HOMER1: variants seen among roughly 807,000 people sequenced by gnomAD.
The protein encoded by HOMER1 is homer scaffold protein 1.
HOMER1 carries 3 observed loss-of-function variants against 48.9 expected under a neutral mutation model. The ratio of observed to expected loss-of-function variants is 0.06; its 90% CI spans 0.03 to 0.16. HOMER1 has a LOEUF of 0.16. Among genes scored for constraint, HOMER1 ranks in the 10% least tolerant of loss-of-function variants. The probability of loss-of-function intolerance (pLI) is 1.00; values close to 1 mark genes in which losing one functional copy is unlikely to be tolerated. For synonymous variants in HOMER1, 134 were observed against 146.4 expected, an observed-to-expected ratio of 0.92 and a Z score of 0.61; for missense variants, 247 against 411.4, an observed-to-expected ratio of 0.60 and a Z score of 3.46.
intron 1 of HOMER1, among the ~76,000 whole-genome samples, chr5:79,484,985 C>A (rs533544729): frequency 2.0e-5 from 3 of 152,286 alleles, no homozygotes; most frequent in Admixed American, 2.0e-4. Context: ...ATTATCTATA[C>A]CTCACTTCCG....
rs555964457 is a variant in HOMER1, at chr5:79,455,546, T to A, written c.162+1316A>T. Among the ~76,000 whole-genome samples the A allele has an allele frequency of 4.6e-5, 7 of 152,306 alleles. No homozygotes were observed. The South Asian group carries it at 1.2e-3, about 27-fold the overall frequency. On this transcript the variant is annotated intron_variant, in intron 2 of 8. Coordinates refer to ENST00000334082, the MANE Select transcript of HOMER1 (RefSeq NM_004272.5). ...TGAGGCTTCCCCAGCCATGTGGAAC[T>A]GTGAGTCAAGTAAACCTCTTTCCTT...
At chr5:79,402,169 T>C in intron 5 of HOMER1, 114 bp from the exon 6 acceptor site, 3 of 221,674 alleles carry the variant, frequency 1.4e-5, no homozygotes, top group South Asian at 1.4e-4. Context: ...TTTTCTTTTC[T>C]TTTTTTTTTT....
At chr5:79,478,969 T>C (rs1751870531) in intron 1 of HOMER1, among the ~76,000 whole-genome samples, 3 of 152,148 alleles carry the variant, frequency 2.0e-5, no homozygotes, top group Admixed American at 2.0e-4. Context: ...AAAGCTGGAT[T>C]CCATAAAAAT....
intron 1 of HOMER1, among the ~76,000 whole-genome samples, chr5:79,463,961 AAAAG>A (rs1751386948): frequency 1.3e-5 from 2 of 152,242 alleles, no homozygotes; most frequent in Admixed American, 1.3e-4. Context: ...GGCAACCACT[AAAAG>A]AAATAAAAAT....
chr5:79,497,750 C>CAGCA (rs1449246577), intron 1 of HOMER1, among the ~76,000 whole-genome samples: 1 of 151,518 alleles, frequency 6.6e-6, no homozygotes, highest in African/African-American at 2.4e-5. Flanking sequence ...AAGGAAGGGG[C>CAGCA]AGCAAGCAAG....
rs1274584110 is a variant in HOMER1 at position 79,372,771 on chromosome 5, T to C, written c.*3238A>G. On this transcript the variant is annotated 3_prime_UTR_variant, in exon 9 of 9. Coordinates refer to ENST00000334082, the MANE Select transcript of HOMER1 (RefSeq NM_004272.5). Reference sequence around the variant, plus strand: ...CCGAAGTGTATATGCTTCAGTTAAATAAAAACATGGGAGACTGTAGCCCAC... The same window carrying C: ...CCGAAGTGTATATGCTTCAGTTAAACAAAAACATGGGAGACTGTAGCCCAC... 1 of 152,148 alleles carries C rather than the reference T, an allele frequency of 6.6e-6. No individual in the cohort carries two copies. Among genetic ancestry groups the C allele is most frequent in the Non-Finnish European group, 1.5e-5 (1 of 68,012 alleles). The allele number at this position is 152,148 out of a possible 1,614,324, so 9.4% of individuals were successfully genotyped here.
intron 5 of HOMER1, among the ~76,000 whole-genome samples, chr5:79,405,454 AT>A (rs1238005701): frequency 6.6e-6 from 1 of 152,204 alleles, no homozygotes; most frequent in Non-Finnish European, 1.5e-5. Flanking sequence ...ATCTTCCTGA[AT>A]TGAAGTACAT....
At chr5:79,421,782 T>C (rs1367202701) in intron 5 of HOMER1, among the ~76,000 whole-genome samples, 1 of 151,968 alleles carries the variant, frequency 6.6e-6, no homozygotes, top group African/African-American at 2.4e-5. Context: ...TTTTTTTGTA[T>C]TTTTTAGTAG....
chr5:79,455,885 G>A (rs1010081609), intron 2 of HOMER1, among the ~76,000 whole-genome samples: 21 of 152,216 alleles, frequency 1.4e-4, no homozygotes, highest in African/African-American at 4.1e-4. Context: ...GTCCCAGCGC[G>A]GTAGCTCATG....
At chr5:79,433,242 A>G (rs190411744) in intron 5 of HOMER1, among the ~76,000 whole-genome samples, 10 of 152,314 alleles carry the variant, frequency 6.6e-5, no homozygotes, top group African/African-American at 1.9e-4. Flanking sequence ...TGTTTTTATC[A>G]TCTTAAAAGT....
At chr5:79,502,903 G>T (rs1241862837) in intron 1 of HOMER1, among the ~76,000 whole-genome samples, 2 of 152,168 alleles carry the variant, frequency 1.3e-5, no homozygotes, top group Non-Finnish European at 1.5e-5. Context: ...CCATTCTCCT[G>T]CCTCAGCCTC....
At chr5:79,498,951 TC>T (rs1036805485) in intron 1 of HOMER1, among the ~76,000 whole-genome samples, 2 of 151,436 alleles carry the variant, frequency 1.3e-5, no homozygotes, top group Admixed American at 1.3e-4. Flanking sequence ...TTCTCCTGCC[TC>T]AGCCTCCCGA....
rs1394636899 is a variant in HOMER1 at position 79,375,421 on chromosome 5, G to A, written c.*588C>T. On this transcript the variant is annotated 3_prime_UTR_variant, in exon 9 of 9. Transcript: ENST00000334082. The stretch of plus-strand genomic sequence containing the variant: ...GTGAAATATCTTCCAGCACAAAAAA[G>A]GGAAGAACTCTATACACCCAGTTAT... The A allele has an allele frequency of 6.6e-6, 1 of 152,002 alleles. No homozygotes were observed. Among genetic ancestry groups the A allele is most frequent in the Non-Finnish European group, 1.5e-5 (1 of 67,958 alleles). The allele number at this position is 152,002 out of a possible 1,614,324, so 9.4% of individuals were successfully genotyped here. A position where few individuals can be genotyped will look rare whatever the true frequency, so the allele number is the denominator to read the frequency against.
intron 1 of HOMER1, among the ~76,000 whole-genome samples, chr5:79,491,074 G>GAAAA (rs1491046966): frequency 4.4e-5 from 1 of 22,562 alleles, no homozygotes. Context: ...TAGTACCAAA[G>GAAAA]CAAAAAAAAA....
At chr5:79,409,368 G>A (rs548726899) in intron 5 of HOMER1, among the ~76,000 whole-genome samples, 2 of 150,856 alleles carry the variant, frequency 1.3e-5, no homozygotes, top group Admixed American at 1.3e-4. Flanking sequence ...GGAGGCGGAG[G>A]TTGTGGTGAG....
chr5:79,384,714 A>T (rs1749065526), intron 8 of HOMER1, among the ~76,000 whole-genome samples: 2 of 152,324 alleles, frequency 1.3e-5, no homozygotes, highest in African/African-American at 4.8e-5. Context: ...CAATAGGCCA[A>T]TATCCCTGAA....
chr5:79,433,462 G>T (rs12522958), intron 5 of HOMER1, among the ~76,000 whole-genome samples: 38,375 of 151,874 alleles, frequency 0.25, 5,951 homozygotes, highest in East Asian at 0.75. Context: ...CAGCTACCTG[G>T]GAGGCTGAGA....
intron 1 of HOMER1, among the ~76,000 whole-genome samples, chr5:79,487,006 C>G (rs187380391): frequency 1.1e-4 from 17 of 152,322 alleles, no homozygotes; most frequent in African/African-American, 4.1e-4. Context: ...TTTGGCCAGG[C>G]ACAGTGGCTC....
rs371666596 is a variant in HOMER1, at chr5:79,501,073, C to T, written c.5+11697G>A. Among the ~76,000 whole-genome samples, 23 of 152,122 alleles carry T rather than the reference C, an allele frequency of 1.5e-4. 1 individual carries two copies. The highest frequency in any genetic ancestry group is 7.2e-4 in the Admixed American group (11 of 15,290). Reference sequence around the variant, plus strand: ...GCATCCTCTGCCTCCCAGGCTCAAGCCATCCTCCCACCTTGGCCTCCCCAG... The same window carrying T: ...GCATCCTCTGCCTCCCAGGCTCAAGTCATCCTCCCACCTTGGCCTCCCCAG... On this transcript the variant is annotated intron_variant, in intron 1 of 8. Coordinates refer to ENST00000334082, the MANE Select transcript of HOMER1 (RefSeq NM_004272.5).
Sources: gnomAD v4.1 joint callset for allele counts (sites outside exome capture counted in the v4.1 genomes callset) on GRCh38, gnomAD v4.1.1 for gene constraint, MANE v1.5 for transcripts, NCBI Gene and HGNC (gene_info 2026-07-23, HGNC 2026-07-21) for gene names.